Variants in FBXW11 observed in about 807,000 individuals in gnomAD.
FBXW11 encodes the protein F-box/WD repeat-containing protein 11.
Under a neutral mutation model 77.6 loss-of-function variants are expected in FBXW11, and 19 were observed. That is an observed-to-expected ratio of 0.24 (90% CI 0.17 to 0.36). The LOEUF is 0.36. Among genes scored for constraint, FBXW11 ranks in the 10% least tolerant of loss-of-function variants. The pLI, the probability that FBXW11 is intolerant of heterozygous loss-of-function variation, is 1.00. For synonymous variants in FBXW11, 235 were observed against 249.4 expected (o/e 0.94, Z 0.54); for missense variants, 334 against 704.2 (o/e 0.47, Z 5.95).
At chr5:171,983,832 T>C (rs903760086) in intron 1 of FBXW11, among the ~76,000 whole-genome samples, 2 of 152,160 alleles carry the variant, frequency 1.3e-5, no homozygotes, top group African/African-American at 2.4e-5. Flanking sequence ...CAAGTGCTCA[T>C]GTCTACCTTA....
intron 2 of FBXW11, among the ~76,000 whole-genome samples, chr5:171,957,259 A>G (rs1763661916): frequency 6.6e-6 from 1 of 152,234 alleles, no homozygotes; most frequent in Admixed American, 6.5e-5. Context: ...CCAACTCAAC[A>G]AAGAACTGTT....
chr5:171,988,509 A>T (rs114326148), intron 1 of FBXW11, among the ~76,000 whole-genome samples: 2,546 of 152,274 alleles, frequency 0.017, 75 homozygotes, highest in African/African-American at 0.055. Flanking sequence ...TGATATAAAA[A>T]AGGAAGGAAG....
chr5:171,986,044 G>T (rs1223106493), intron 1 of FBXW11, among the ~76,000 whole-genome samples: 1 of 152,180 alleles, frequency 6.6e-6, no homozygotes, highest in Non-Finnish European at 1.5e-5. Flanking sequence ...TGACTCAAAA[G>T]GACAGCTACT....
chr5:171,947,022 C>T (rs560750965), intron 2 of FBXW11, among the ~76,000 whole-genome samples: 1 of 152,146 alleles, frequency 6.6e-6, no homozygotes, highest in Admixed American at 6.5e-5. Context: ...CCATGTTAGC[C>T]AGGCTGGTCT....
chr5:171,952,132 G>A (rs1338311188), intron 2 of FBXW11, among the ~76,000 whole-genome samples: 1 of 151,710 alleles, frequency 6.6e-6, no homozygotes, highest in East Asian at 1.9e-4. Flanking sequence ...GTCAAGCTGG[G>A]GTTCCACAGG....
chr5:171,933,882 T>C (rs1215878561), intron 2 of FBXW11, among the ~76,000 whole-genome samples: 6 of 152,042 alleles, frequency 3.9e-5, no homozygotes, highest in Admixed American at 3.9e-4. Context: ...GAAAAGTTCA[T>C]TAAACTCCTA....
intron 2 of FBXW11, among the ~76,000 whole-genome samples, chr5:171,954,247 T>C (rs1383231627): frequency 6.6e-6 from 1 of 152,250 alleles, no homozygotes; most frequent in Non-Finnish European, 1.5e-5. Flanking sequence ...CACTACAGAC[T>C]GGTGACTAGA....
At chr5:171,926,728 G>A (rs1464537563) in intron 2 of FBXW11, among the ~76,000 whole-genome samples, 4 of 152,106 alleles carry the variant, frequency 2.6e-5, no homozygotes, top group Non-Finnish European at 4.4e-5. Flanking sequence ...CCCAATCTCA[G>A]GTATTTCTTT....
intron 7 of FBXW11, among the ~76,000 whole-genome samples, chr5:171,890,487 CAA>C (rs5873290): frequency 3.2e-5 from 4 of 126,490 alleles, no homozygotes; most frequent in Admixed American, 8.0e-5. Flanking sequence ...GACTCCGTCT[CAA>C]AAAAAAAAAA....
At chr5:171,942,430 A>T (rs965243250) in intron 2 of FBXW11, among the ~76,000 whole-genome samples, 1 of 152,134 alleles carries the variant, frequency 6.6e-6, no homozygotes, top group Non-Finnish European at 1.5e-5. Flanking sequence ...CAGCTGTTTC[A>T]CAGTCTGTCA....
At chr5:171,903,375 G>C (rs1760266602) in intron 4 of FBXW11, among the ~76,000 whole-genome samples, 1 of 152,260 alleles carries the variant, frequency 6.6e-6, no homozygotes, top group Non-Finnish European at 1.5e-5. Context: ...TGGGATTACA[G>C]GCGTGAGCCA....
chr5:171,894,509 G>T (rs1390844304), intron 6 of FBXW11, among the ~76,000 whole-genome samples: 62 of 152,064 alleles, frequency 4.1e-4, no homozygotes, highest in Non-Finnish European at 1.5e-5. Flanking sequence ...AAAGAGACAC[G>T]GAGCCAGATG....
At chr5:171,964,880 A>T (rs1240347643) in intron 1 of FBXW11, among the ~76,000 whole-genome samples, 1 of 152,234 alleles carries the variant, frequency 6.6e-6, no homozygotes, top group African/African-American at 2.4e-5. Context: ...ACAGAATTTG[A>T]TAGTAAACAT....
rs11434000 is a variant in FBXW11 at position 171,999,825 on chromosome 5, C to CTT, written c.45+6631_45+6632dup. On this transcript the variant is annotated intron_variant, in intron 1 of 13. Transcript: ENST00000517395. ...TCTATCACAAGCCAAAGAGCCAAAG[C>CTT]TTTTTTTTTTATTTTTCCTATTAAT... is the stretch of plus-strand genomic sequence containing the variant. Among the ~76,000 whole-genome samples the CTT allele has an allele frequency of 9.8e-4, 147 of 149,330 alleles. 1 individual carries two copies. The highest frequency in any genetic ancestry group is 3.5e-3 in the African/African-American group (143 of 40,800).
intron 1 of FBXW11, among the ~76,000 whole-genome samples, chr5:171,982,402 A>G (rs1765198122): frequency 6.6e-6 from 1 of 152,042 alleles, no homozygotes. Flanking sequence ...GCCTTCCACC[A>G]AGTAGCTGGG....
intron 1 of FBXW11, among the ~76,000 whole-genome samples, chr5:171,979,327 T>A (rs911724309): frequency 6.6e-6 from 1 of 151,946 alleles, no homozygotes; most frequent in Non-Finnish European, 1.5e-5. Flanking sequence ...AATATATACA[T>A]ACATAATACA....
chr5:171,922,331 T>G (rs528031372), intron 2 of FBXW11, among the ~76,000 whole-genome samples: 1 of 152,170 alleles, frequency 6.6e-6, no homozygotes, highest in Non-Finnish European at 1.5e-5. Flanking sequence ...GATAAATACA[T>G]AGAACAATGA....
intron 2 of FBXW11, among the ~76,000 whole-genome samples, chr5:171,954,333 G>A (rs1366814657): frequency 6.6e-6 from 1 of 152,132 alleles, no homozygotes; most frequent in African/African-American, 2.4e-5. Context: ...ACCTTAGGCA[G>A]GTCAATTCAC....
chr5:171,931,371 G>A (rs1223511626), intron 2 of FBXW11, among the ~76,000 whole-genome samples: 2 of 152,052 alleles, frequency 1.3e-5, no homozygotes, highest in African/African-American at 4.8e-5. Context: ...TAGAACTGAG[G>A]GCCCACACAA....
Sources: gnomAD v4.1 joint callset for allele counts (sites outside exome capture counted in the v4.1 genomes callset) on GRCh38, gnomAD v4.1.1 for gene constraint, MANE v1.5 for transcripts, NCBI Gene and HGNC (gene_info 2026-07-23, HGNC 2026-07-21) for gene names.